The following INSYN2B variants were observed in gnomAD, a reference collection of about 807,000 sequenced individuals.
INSYN2B encodes protein INSYN2B.
INSYN2B carries 16 observed loss-of-function variants against 41.2 expected under a neutral mutation model. The ratio of observed to expected loss-of-function variants is 0.39; its 90% confidence interval spans 0.26 to 0.59. The LOEUF is 0.59. Ranked by LOEUF, INSYN2B falls within the 20% of genes least tolerant of loss-of-function variation. The pLI, the probability that INSYN2B is intolerant of heterozygous loss-of-function variation, is 0.57. For synonymous variants in INSYN2B, 245 were observed against 244.4 expected (o/e 1.00, Z -0.02); for missense variants, 608 against 646.4 (o/e 0.94, Z 0.64).
At chr5:169,881,564 G>A in intron 2 of INSYN2B, 122 bp from the exon 3 acceptor site, 1 of 709,202 alleles carries the variant, frequency 1.4e-6, no homozygotes, top group Non-Finnish European at 2.5e-6. Context: ...AAGTTGCACG[G>A]CCATTACAAA....
chr5:169,979,880 C>A (rs1218767609), intron 1 of INSYN2B, among the ~76,000 whole-genome samples: 1 of 152,154 alleles, frequency 6.6e-6, no homozygotes, highest in Non-Finnish European at 1.5e-5. Context: ...AACAGCCACT[C>A]TCTCTAGATG....
chr5:169,945,980 G>A (rs921477743), intron 1 of INSYN2B, among the ~76,000 whole-genome samples: 1 of 152,046 alleles, frequency 6.6e-6, no homozygotes, highest in Non-Finnish European at 1.5e-5. Flanking sequence ...CTCCAGCCCT[G>A]GTGCAACACC....
chr5:169,980,031 C>T (rs1777885754), intron 1 of INSYN2B, among the ~76,000 whole-genome samples: 1 of 151,930 alleles, frequency 6.6e-6, no homozygotes, highest in Admixed American at 6.6e-5. Flanking sequence ...GCTTTTTTTC[C>T]CCCTTCAAAT....
At chr5:169,911,358 T>C (rs759016869) in intron 1 of INSYN2B, among the ~76,000 whole-genome samples, 8 of 152,206 alleles carry the variant, frequency 5.3e-5, no homozygotes, top group Non-Finnish European at 1.0e-4. Context: ...TTCACTTCTC[T>C]TTTCATGCTA....
intron 1 of INSYN2B, among the ~76,000 whole-genome samples, chr5:169,893,634 T>A (rs992687892): frequency 1.3e-5 from 2 of 152,170 alleles, no homozygotes; most frequent in African/African-American, 4.8e-5. Flanking sequence ...GTGTGTCAGA[T>A]GGAAGGGAGA....
rs75964258 is a variant in INSYN2B, at chr5:169,939,959, T to C, written c.-919+40318A>G. 8.0e-3 allele frequency among the ~76,000 whole-genome samples: 1,213 copies of C among 152,290 alleles called. 63 individuals are homozygous for C. In the East Asian group the frequency reaches 0.13, roughly 17 times the overall value. The stretch of plus-strand genomic sequence containing the variant: ...ATTCTGAGTGTTTAAGTGTCTTGCT[T>C]AAGGATAGTTGGCTATGAAGAGGCA... On this transcript the variant is annotated intron_variant, in intron 1 of 3. Transcript: ENST00000377365.
chr5:169,933,562 G>A (rs1775856304), intron 1 of INSYN2B, among the ~76,000 whole-genome samples: 1 of 152,140 alleles, frequency 6.6e-6, no homozygotes, highest in Non-Finnish European at 1.5e-5. Context: ...CTGCTTATTT[G>A]CCCACTTTTC....
At chr5:169,873,802 C>T (rs1772133317) in intron 3 of INSYN2B, among the ~76,000 whole-genome samples, 1 of 152,158 alleles carries the variant, frequency 6.6e-6, no homozygotes, top group Non-Finnish European at 1.5e-5. Flanking sequence ...AAGGAAACTC[C>T]CAGAAGCACT....
At chr5:169,878,024 T>A (rs915952714) in intron 3 of INSYN2B, among the ~76,000 whole-genome samples, 7 of 152,202 alleles carry the variant, frequency 4.6e-5, no homozygotes, top group African/African-American at 1.7e-4. Context: ...ACCAAGCAGT[T>A]TTTTCCTGGG....
intron 1 of INSYN2B, among the ~76,000 whole-genome samples, chr5:169,935,199 T>G (rs573578226): frequency 4.3e-4 from 65 of 152,340 alleles, no homozygotes; most frequent in South Asian, 2.7e-3. Flanking sequence ...CAGAGCAGCA[T>G]GCCATTGCCG....
chr5:169,914,232 A>G (rs1774756206), intron 1 of INSYN2B, among the ~76,000 whole-genome samples: 1 of 152,208 alleles, frequency 6.6e-6, no homozygotes, highest in African/African-American at 2.4e-5. Flanking sequence ...GGATTTTTCA[A>G]CTTGATGCTC....
rs531170192 is a variant in INSYN2B at position 169,916,582 on chromosome 5, C to T, written c.-918-31766G>A. Among the ~76,000 whole-genome samples the T allele has an allele frequency of 1.2e-4, 19 of 152,288 alleles. No homozygotes were observed. In the South Asian group the frequency reaches 3.9e-3, roughly 32 times the overall value. ...TATAAAGTGGAGACAATGATAGTAC[C>T]TCCTTCATAGGATGAAACAAGTTAA... On this transcript the variant is annotated intron_variant, in intron 1 of 3. Coordinates refer to ENST00000377365, the MANE Select transcript of INSYN2B (RefSeq NM_001129891.3).
chr5:169,911,378 C>T (rs893682258), intron 1 of INSYN2B, among the ~76,000 whole-genome samples: 2 of 152,148 alleles, frequency 1.3e-5, no homozygotes, highest in African/African-American at 4.8e-5. Flanking sequence ...ATGGCGTTCA[C>T]AGGACATCAG....
intron 3 of INSYN2B, among the ~76,000 whole-genome samples, chr5:169,876,148 A>T (rs1772321115): frequency 6.6e-6 from 1 of 151,974 alleles, no homozygotes; most frequent in Non-Finnish European, 1.5e-5. Flanking sequence ...TCTGACTCTG[A>T]TCCTCTGGCC....
At chr5:169,886,749 TTA>T (rs1772992794) in intron 1 of INSYN2B, among the ~76,000 whole-genome samples, 1 of 152,178 alleles carries the variant, frequency 6.6e-6, no homozygotes, top group South Asian at 2.1e-4. Flanking sequence ...GCCTAGGTAT[TTA>T]TATGTCTACT....
In INSYN2B at chr5:169,930,733, G is replaced by A. The variant is rs371031772; in HGVS notation, c.-918-45917C>T. Among the ~76,000 whole-genome samples, 41 of 152,252 alleles carry A rather than the reference G, an allele frequency of 2.7e-4. 1 individual carries two copies. The highest frequency in any genetic ancestry group is 2.1e-3 in the South Asian group (10 of 4,822). ...TTCTCTCACTGCAGTCTACATCTTC[G>A]CCCTTTGAGAGTCGGGTGGAAGGCA... is the stretch of plus-strand genomic sequence containing the variant. On this transcript the variant is annotated intron_variant, in intron 1 of 3. Transcript: ENST00000377365.
chr5:169,910,692 A>G (rs1774547376), intron 1 of INSYN2B, among the ~76,000 whole-genome samples: 1 of 152,226 alleles, frequency 6.6e-6, no homozygotes, highest in Non-Finnish European at 1.5e-5. Context: ...ATCTCTAGCT[A>G]CAAGACTCAG....
At chr5:169,937,103 C>T (rs1231059182) in intron 1 of INSYN2B, among the ~76,000 whole-genome samples, 1 of 152,192 alleles carries the variant, frequency 6.6e-6, no homozygotes, top group Admixed American at 6.5e-5. Context: ...AAACTTCCAG[C>T]CAGCTGCCTG....
At chr5:169,900,696 C>T (rs150301084) in intron 1 of INSYN2B, among the ~76,000 whole-genome samples, 113 of 152,106 alleles carry the variant, frequency 7.4e-4, no homozygotes, top group African/African-American at 2.6e-3. Flanking sequence ...ATAAAATAAG[C>T]TAATTATGAC....
Sources: gnomAD v4.1 joint callset for allele counts (sites outside exome capture counted in the v4.1 genomes callset) on GRCh38, gnomAD v4.1.1 for gene constraint, MANE v1.5 for transcripts, NCBI Gene and HGNC (gene_info 2026-07-23, HGNC 2026-07-21) for gene names.